The following CCDC60 variants were observed in gnomAD, a reference collection of about 807,000 sequenced individuals.
CCDC60 encodes the protein coiled-coil domain-containing protein 60.
CCDC60 carries 54 observed loss-of-function variants against 63.5 expected under a neutral mutation model. The ratio of observed to expected loss-of-function variants is 0.85; its 90% CI spans 0.68 to 1.07. The LOEUF is 1.07. Ranked by LOEUF, CCDC60 falls within the 50% of genes least tolerant of loss-of-function variation. The pLI, the probability that CCDC60 is intolerant of heterozygous loss-of-function variation, is 0.00. For synonymous variants in CCDC60, 206 were observed against 238.8 expected (o/e 0.86, Z 1.27); for missense variants, 651 against 684.3 (o/e 0.95, Z 0.54).
chr12:119,417,993 T>A (rs1956733733), intron 1 of CCDC60, among the ~76,000 whole-genome samples: 2 of 152,162 alleles, frequency 1.3e-5, no homozygotes, highest in African/African-American at 4.8e-5. Context: ...TCACTTCATA[T>A]TTTTTCCCTA....
chr12:119,501,660 C>A (rs1431795377), intron 6 of CCDC60, among the ~76,000 whole-genome samples: 1 of 152,102 alleles, frequency 6.6e-6, no homozygotes, highest in Non-Finnish European at 1.5e-5. Flanking sequence ...TATGGAGATA[C>A]AGTGTGCATC....
chr12:119,387,363 A>T (rs1362586616), intron 1 of CCDC60, among the ~76,000 whole-genome samples: 2 of 152,238 alleles, frequency 1.3e-5, no homozygotes, highest in East Asian at 3.8e-4. Context: ...ACATCTGTGC[A>T]TTCTAGTATT....
intron 1 of CCDC60, among the ~76,000 whole-genome samples, chr12:119,412,271 T>TAAAA (rs375576526): frequency 1.4e-4 from 20 of 146,084 alleles, no homozygotes; most frequent in African/African-American, 4.8e-4. Context: ...CTCTTCACAT[T>TAAAA]AAAAAAAAAA....
intron 11 of CCDC60, among the ~76,000 whole-genome samples, chr12:119,526,536 G>T (rs1398074151): frequency 1.3e-5 from 2 of 152,168 alleles, no homozygotes; most frequent in Non-Finnish European, 2.9e-5. Flanking sequence ...CTAATATCCA[G>T]CATCTATAAG....
At chr12:119,436,320 T>G (rs1409649257) in intron 2 of CCDC60, among the ~76,000 whole-genome samples, 1 of 151,986 alleles carries the variant, frequency 6.6e-6, no homozygotes, top group African/African-American at 2.4e-5. Flanking sequence ...GGAAAGCACA[T>G]CATTTAAGCA....
intron 1 of CCDC60, among the ~76,000 whole-genome samples, chr12:119,361,004 CGT>C (rs1955783394): frequency 6.6e-6 from 1 of 152,058 alleles, no homozygotes; most frequent in South Asian, 2.1e-4. Context: ...GGCGTGGCGG[CGT>C]GCGCCTGCAA....
intron 1 of CCDC60, among the ~76,000 whole-genome samples, chr12:119,350,914 A>G (rs1955650160): frequency 6.6e-6 from 1 of 152,090 alleles, no homozygotes; most frequent in Non-Finnish European, 1.5e-5. Flanking sequence ...CCCCTGACAT[A>G]CCACTGAAGA....
At chr12:119,488,704 C>T (rs1035982464) in intron 4 of CCDC60, 55 bp from the exon 5 acceptor site, 20 of 1,478,608 alleles carry the variant, frequency 1.4e-5, no homozygotes, top group East Asian at 6.8e-5. Flanking sequence ...GCTATTTTTG[C>T]GAAGAAAGTT....
At chr12:119,492,599 T>C (rs1951617698) in intron 5 of CCDC60, among the ~76,000 whole-genome samples, 1 of 152,162 alleles carries the variant, frequency 6.6e-6, no homozygotes, top group Non-Finnish European at 1.5e-5. Flanking sequence ...TTCAAGTGCA[T>C]TTTTTTAAAC....
intron 1 of CCDC60, among the ~76,000 whole-genome samples, chr12:119,417,736 A>G (rs1956728069): frequency 6.6e-6 from 1 of 152,162 alleles, no homozygotes; most frequent in South Asian, 2.1e-4. Context: ...CAAATCAACC[A>G]AAAAACTATG....
At chr12:119,472,513 T>C (rs919332505) in intron 3 of CCDC60, among the ~76,000 whole-genome samples, 7 of 151,746 alleles carry the variant, frequency 4.6e-5, no homozygotes, top group African/African-American at 1.7e-4. Context: ...GTTCCATACC[T>C]TCAGTGGCAG....
chr12:119,506,556 T>C (rs1432018524), intron 7 of CCDC60, among the ~76,000 whole-genome samples: 1 of 150,532 alleles, frequency 6.6e-6, no homozygotes, highest in African/African-American at 2.5e-5. Context: ...GGGGCTGACG[T>C]GAGCTGTGAT....
At chr12:119,492,476 T>C (rs1462027931) in intron 5 of CCDC60, among the ~76,000 whole-genome samples, 2 of 152,188 alleles carry the variant, frequency 1.3e-5, no homozygotes, top group Admixed American at 1.3e-4. Flanking sequence ...CTCTATAAAG[T>C]ATAAGAAAAC....
At chr12:119,418,564 G>A (rs776886861) in intron 1 of CCDC60, among the ~76,000 whole-genome samples, 17 of 151,472 alleles carry the variant, frequency 1.1e-4, no homozygotes, top group Non-Finnish European at 1.5e-4. Context: ...ACAGGTGCAC[G>A]CCACCACGCC....
chr12:119,526,464 G>A (rs547744810), intron 11 of CCDC60, among the ~76,000 whole-genome samples: 29 of 152,302 alleles, frequency 1.9e-4, no homozygotes, highest in South Asian at 8.3e-4. Context: ...GCTATCAACC[G>A]AGTAAACTGA....
At chr12:119,523,870 C>CT (rs1952603265) in intron 11 of CCDC60, 52 bp downstream of exon 11, 1 of 1,579,344 alleles carries the variant, frequency 6.3e-7, no homozygotes, top group Admixed American at 1.7e-5. Flanking sequence ...TGGGTACCTA[C>CT]TATATGCCTG....
intron 13 of CCDC60, among the ~76,000 whole-genome samples, chr12:119,537,672 T>C (rs1953043232): frequency 6.6e-6 from 1 of 152,234 alleles, no homozygotes; most frequent in Non-Finnish European, 1.5e-5. Context: ...GTCAGGTCTC[T>C]CAGCTGCAGG....
intron 1 of CCDC60, among the ~76,000 whole-genome samples, chr12:119,390,367 T>G (rs1174031217): frequency 1.3e-5 from 2 of 152,254 alleles, no homozygotes; most frequent in African/African-American, 4.8e-5. Flanking sequence ...TTTATCCTGG[T>G]ACTTACTATA....
At chr12:119,476,005 G>A (rs1314283966) in intron 3 of CCDC60, among the ~76,000 whole-genome samples, 1 of 152,082 alleles carries the variant, frequency 6.6e-6, no homozygotes, top group African/African-American at 2.4e-5. Flanking sequence ...AAAAATACAA[G>A]TTTCATTTAT....
Sources: allele counts gnomAD v4.1 joint callset (sites outside exome capture counted in the v4.1 genomes callset), GRCh38; gene constraint gnomAD v4.1.1; transcripts MANE v1.5; gene names NCBI Gene and HGNC (gene_info 2026-07-23, HGNC 2026-07-21).